Variants in RARB observed in about 807,000 individuals in gnomAD.
RARB encodes the protein retinoic acid receptor beta, also known as HBV-activated protein.
A neutral mutation model predicts 51.9 loss-of-function variants in RARB; 17 were observed. The observed-to-expected ratio is 0.33, with a 90% CI of 0.22 to 0.49. The LOEUF (loss-of-function observed/expected upper bound fraction) is 0.49. RARB is among the 20% of genes least tolerant of loss of function. RARB has a pLI of 0.99. For synonymous variants in RARB, 215 were observed against 195.4 expected (o/e 1.10, Z -0.84); for missense variants, 369 against 550.8 (o/e 0.67, Z 3.30).
intron 4 of RARB, among the ~76,000 whole-genome samples, chr3:25,152,286 A>T (rs1700300004): frequency 6.6e-6 from 1 of 152,170 alleles, no homozygotes; most frequent in Non-Finnish European, 1.5e-5. Flanking sequence ...ATTTTAGGAA[A>T]ACTTGGCTAA....
At chr3:24,868,731 T>C (rs181117131) in intron 2 of RARB, among the ~76,000 whole-genome samples, 458 of 152,274 alleles carry the variant, frequency 3.0e-3, no homozygotes, top group African/African-American at 0.01. Context: ...GATAAAACCT[T>C]GGTCTCCACA....
chr3:25,300,203 A>G (rs1421901510), intron 5 of RARB, among the ~76,000 whole-genome samples: 5 of 152,214 alleles, frequency 3.3e-5, no homozygotes, highest in East Asian at 1.9e-4. Flanking sequence ...ACAAAACATG[A>G]CACTGCTTTC....
At chr3:25,337,839 T>A (rs2125448954) in intron 5 of RARB, among the ~76,000 whole-genome samples, 1 of 152,222 alleles carries the variant, frequency 6.6e-6, no homozygotes, top group South Asian at 2.1e-4. Flanking sequence ...CCTGTCTACA[T>A]CCCCAGAGCC....
At chr3:24,841,950 T>G (rs1702426061) in intron 1 of RARB, among the ~76,000 whole-genome samples, 1 of 152,206 alleles carries the variant, frequency 6.6e-6, no homozygotes, top group Non-Finnish European at 1.5e-5. Context: ...AAATGCTCTC[T>G]TTTTAGTTTT....
intron 2 of RARB, among the ~76,000 whole-genome samples, chr3:25,035,069 A>T (rs137901098): frequency 1.4e-3 from 214 of 152,298 alleles, no homozygotes; most frequent in African/African-American, 5.0e-3. Context: ...CGTAATGAAA[A>T]AGCTGTTTCA....
At chr3:25,363,551 A>G (rs1706019468) in intron 5 of RARB, among the ~76,000 whole-genome samples, 1 of 152,112 alleles carries the variant, frequency 6.6e-6, no homozygotes, top group Admixed American at 6.5e-5. Flanking sequence ...ATCTGATCTA[A>G]GAGGAAATTC....
rs1208662016 is a variant in RARB, at chr3:25,105,614, C to T, written c.-327-26547C>T. On this transcript the variant is annotated intron_variant, in intron 3 of 11. Coordinates refer to the RARB transcript ENST00000383772. Reference sequence around the variant, plus strand: ...GGAGGAATTGGAAGAATATGATTACCAAATTTGCACTCTCTTGACATTTCC... The same window carrying T: ...GGAGGAATTGGAAGAATATGATTACTAAATTTGCACTCTCTTGACATTTCC... Among the ~76,000 whole-genome samples, 3 of 152,008 alleles carry T rather than the reference C, an allele frequency of 2.0e-5. No individual in the cohort carries two copies. In the East Asian group the frequency reaches 5.8e-4, roughly 29 times the overall value.
At chr3:24,981,803 C>T (rs1559421431) in intron 2 of RARB, among the ~76,000 whole-genome samples, 1 of 152,178 alleles carries the variant, frequency 6.6e-6, no homozygotes, top group African/African-American at 2.4e-5. Context: ...CACTGTCCAA[C>T]CAGTCCCCAC....
intron 1 of RARB, among the ~76,000 whole-genome samples, chr3:24,853,148 A>G (rs1362744856): frequency 6.8e-6 from 1 of 147,608 alleles, no homozygotes; most frequent in Non-Finnish European, 1.5e-5. Context: ...CCCTGTCTTT[A>G]CTAAAAAAAA....
chr3:25,045,237 A>G (rs535291713), intron 2 of RARB, among the ~76,000 whole-genome samples: 1 of 152,276 alleles, frequency 6.6e-6, no homozygotes, highest in East Asian at 1.9e-4. Context: ...CTGAGCCAGG[A>G]GGAGAGACCG....
At chr3:25,324,428 T>G (rs1704655271) in intron 5 of RARB, 1 of 158,282 alleles carries the variant, frequency 6.3e-6, no homozygotes, top group Non-Finnish European at 1.4e-5. Flanking sequence ...TGACGCAAAC[T>G]GTGAGACAAA....
chr3:24,877,312 A>G (rs1703064908), intron 2 of RARB, among the ~76,000 whole-genome samples: 1 of 129,668 alleles, frequency 7.7e-6, no homozygotes, highest in Non-Finnish European at 1.6e-5. Flanking sequence ...ATTGGTCATA[A>G]TTTACATGAT....
At chr3:25,544,663 G>C (rs751845760) in intron 3 of RARB, among the ~76,000 whole-genome samples, 3 of 152,136 alleles carry the variant, frequency 2.0e-5, no homozygotes, top group Non-Finnish European at 4.4e-5. Context: ...CATTTGACAT[G>C]GTCATTCCCC....
chr3:25,358,771 T>C (rs1437422845), intron 5 of RARB, among the ~76,000 whole-genome samples: 2 of 152,220 alleles, frequency 1.3e-5, no homozygotes, highest in African/African-American at 2.4e-5. Context: ...GTTTATGTGA[T>C]GGATTACATT....
intron 2 of RARB, among the ~76,000 whole-genome samples, chr3:24,924,698 G>A (rs149726058): frequency 5.9e-5 from 9 of 152,190 alleles, no homozygotes; most frequent in African/African-American, 2.2e-4. Context: ...ATGCCTGAAT[G>A]TTTTAGTCTC....
At chr3:24,900,933 T>TA (rs1472212714) in intron 2 of RARB, among the ~76,000 whole-genome samples, 1 of 152,216 alleles carries the variant, frequency 6.6e-6, no homozygotes, top group Non-Finnish European at 1.5e-5. Context: ...GATGCATACA[T>TA]ACAAGATTCA....
intron 3 of RARB, among the ~76,000 whole-genome samples, chr3:25,123,705 T>G (rs1699818329): frequency 6.6e-6 from 1 of 152,200 alleles, no homozygotes; most frequent in African/African-American, 2.4e-5. Flanking sequence ...AAGGAGCAGC[T>G]CACACCCAGT....
intron 2 of RARB, among the ~76,000 whole-genome samples, chr3:25,049,660 A>T (rs932187802): frequency 6.6e-6 from 1 of 152,248 alleles, no homozygotes; most frequent in Admixed American, 6.5e-5. Flanking sequence ...GAATAGCGAT[A>T]TAAAGAGAAT....
At chr3:25,407,504 T>C (rs1707444290) in intron 5 of RARB, among the ~76,000 whole-genome samples, 1 of 152,222 alleles carries the variant, frequency 6.6e-6, no homozygotes, top group Non-Finnish European at 1.5e-5. Flanking sequence ...TGATTCTACT[T>C]TGGATATTGT....
Sources: gnomAD v4.1 joint callset for allele counts (sites outside exome capture counted in the v4.1 genomes callset) on GRCh38, gnomAD v4.1.1 for gene constraint, MANE v1.5 for transcripts, NCBI Gene and HGNC (gene_info 2026-07-23, HGNC 2026-07-21) for gene names.